Variants in DIP2B observed in about 807,000 individuals in gnomAD.
The protein encoded by DIP2B is DIP2 acetate--CoA ligase B (putative).
A neutral mutation model predicts 198.0 loss-of-function variants in DIP2B; 76 were observed. The ratio of observed to expected loss-of-function variants is 0.38; its 90% confidence interval spans 0.32 to 0.46. DIP2B has a LOEUF of 0.46. Among genes scored for constraint, DIP2B ranks in the 20% least tolerant of loss-of-function variants. The pLI is 0.99. For synonymous variants in DIP2B, 701 were observed against 739.1 expected (o/e 0.95, Z 0.84); for missense variants, 1,559 against 1,978.4 (o/e 0.79, Z 4.02).
chr12:50,516,235 C>A (rs573132855), intron 1 of DIP2B, among the ~76,000 whole-genome samples: 3 of 147,928 alleles, frequency 2.0e-5, no homozygotes, highest in African/African-American at 7.7e-5. Flanking sequence ...CTCTCTCTCT[C>A]TCTCTCTCTC....
intron 1 of DIP2B, among the ~76,000 whole-genome samples, chr12:50,536,876 T>G (rs1197063988): frequency 6.6e-6 from 1 of 151,384 alleles, no homozygotes; most frequent in Non-Finnish European, 1.5e-5. Context: ...TATTTTTTTT[T>G]TTTAATGTTG....
At chr12:50,672,693 A>T (rs113026515) in intron 5 of DIP2B, among the ~76,000 whole-genome samples, 20 of 152,324 alleles carry the variant, frequency 1.3e-4, no homozygotes, top group African/African-American at 4.8e-4. Flanking sequence ...TAATAGAAAA[A>T]TTCAAAAATA....
chr12:50,701,475 G>A (rs796614820), intron 19 of DIP2B, among the ~76,000 whole-genome samples: 11 of 152,266 alleles, frequency 7.2e-5, no homozygotes, highest in African/African-American at 2.2e-4. Context: ...TCTGCCTCCC[G>A]GGTTCAAACA....
At chr12:50,614,658 G>A (rs1351350435) in intron 1 of DIP2B, among the ~76,000 whole-genome samples, 1 of 152,180 alleles carries the variant, frequency 6.6e-6, no homozygotes, top group Non-Finnish European at 1.5e-5. Context: ...ACGTATAGTG[G>A]CTTGCCCAGT....
At chr12:50,525,105 C>T (rs927707508) in intron 1 of DIP2B, among the ~76,000 whole-genome samples, 1 of 151,572 alleles carries the variant, frequency 6.6e-6, no homozygotes, top group Non-Finnish European at 1.5e-5. Flanking sequence ...CACCTGTAAT[C>T]CCAGCACTTT....
rs1052117424 is a variant in DIP2B at position 50,570,683 on chromosome 12, G to A, written c.101-55293G>A. Among the ~76,000 whole-genome samples the A allele has an allele frequency of 2.6e-5, 4 of 152,178 alleles. No individual in the cohort carries two copies. The East Asian group carries it at 7.7e-4, about 29-fold the overall frequency. Reference sequence around the variant, plus strand: ...CGAGATCGCGCCACTGCGATGGGCTGGGCAACAAGAGTGAAACTCGGTCCC... The same window carrying A: ...CGAGATCGCGCCACTGCGATGGGCTAGGCAACAAGAGTGAAACTCGGTCCC... On this transcript the variant is annotated intron_variant, in intron 1 of 37. Transcript: ENST00000301180.
rs976134094 is a variant in DIP2B, at chr12:50,634,107, C to T, written c.173-6617C>T. On this transcript the variant is annotated intron_variant, in intron 2 of 37. Transcript: ENST00000301180. Reference sequence around the variant, plus strand: ...GCTGTCTGCTCTTTGAAAGGAATGGCCCACAGAACATCTTTCAGTAGTTGG... The same window carrying T: ...GCTGTCTGCTCTTTGAAAGGAATGGTCCACAGAACATCTTTCAGTAGTTGG... Among the ~76,000 whole-genome samples the T allele has an allele frequency of 5.3e-5, 8 of 152,186 alleles. No homozygotes were observed. In the East Asian group the frequency reaches 1.5e-3, roughly 29 times the overall value.
intron 25 of DIP2B, 64 bp from the exon 26 acceptor site, chr12:50,721,209 T>C: frequency 6.4e-7 from 1 of 1,569,694 alleles, no homozygotes; most frequent in Non-Finnish European, 8.6e-7. Context: ...TTGAATTGGC[T>C]GTGCTTATTA....
intron 7 of DIP2B, 59 bp from the exon 8 acceptor site, chr12:50,678,620 C>G: frequency 6.5e-7 from 1 of 1,538,742 alleles, no homozygotes; most frequent in Non-Finnish European, 8.8e-7. Context: ...GATTAGAGAC[C>G]TAAGTTGTGT....
At chr12:50,563,485 C>A (rs1471483049) in intron 1 of DIP2B, among the ~76,000 whole-genome samples, 2 of 133,902 alleles carry the variant, frequency 1.5e-5, no homozygotes, top group Non-Finnish European at 3.1e-5. Flanking sequence ...CTGCACCTGG[C>A]CTTTTTTTTT....
intron 36 of DIP2B, among the ~76,000 whole-genome samples, chr12:50,739,875 G>C (rs1227543590): frequency 6.6e-6 from 1 of 152,202 alleles, no homozygotes; most frequent in Non-Finnish European, 1.5e-5. Context: ...AGTCCCTGCA[G>C]GGCTGATTCA....
At chr12:50,676,950 T>C (rs1328945716) in intron 7 of DIP2B, among the ~76,000 whole-genome samples, 3 of 152,188 alleles carry the variant, frequency 2.0e-5, no homozygotes, top group African/African-American at 4.8e-5. Context: ...AGGCAGCAAA[T>C]TGGGGAGTGA....
chr12:50,728,902 G>A (rs78705232), intron 30 of DIP2B, among the ~76,000 whole-genome samples: 1,732 of 152,302 alleles, frequency 0.011, 20 homozygotes, highest in Non-Finnish European at 0.02. Context: ...CAAAATGGCA[G>A]TGATCCTGTT....
chr12:50,645,901 A>G (rs920161074), intron 3 of DIP2B, among the ~76,000 whole-genome samples: 1 of 152,050 alleles, frequency 6.6e-6, no homozygotes, highest in Non-Finnish European at 1.5e-5. Context: ...GTTTATAGAC[A>G]TGGAGACCTG....
At chr12:50,631,301 AC>A (rs1357548147) in intron 2 of DIP2B, among the ~76,000 whole-genome samples, 2 of 151,236 alleles carry the variant, frequency 1.3e-5, no homozygotes, top group Non-Finnish European at 2.9e-5. Context: ...GACTTGGCTC[AC>A]TGCAACCTCT....
intron 1 of DIP2B, among the ~76,000 whole-genome samples, chr12:50,507,428 T>TA (rs1957977570): frequency 6.6e-6 from 1 of 152,236 alleles, no homozygotes; most frequent in East Asian, 1.9e-4. Context: ...CATATCTGTG[T>TA]AGTATGGTGT....
intron 28 of DIP2B, among the ~76,000 whole-genome samples, chr12:50,725,195 G>C (rs1311449748): frequency 6.6e-6 from 1 of 152,100 alleles, no homozygotes; most frequent in Non-Finnish European, 1.5e-5. Context: ...AAAATATTGA[G>C]ACAATCTGAT....
chr12:50,571,932 TC>T (rs1329650350), intron 1 of DIP2B, among the ~76,000 whole-genome samples: 3 of 152,208 alleles, frequency 2.0e-5, no homozygotes, highest in Non-Finnish European at 4.4e-5. Context: ...AAAAGATGCA[TC>T]TGTCTTTCCA....
chr12:50,506,468 G>T (rs1427368559), intron 1 of DIP2B, among the ~76,000 whole-genome samples: 3 of 152,188 alleles, frequency 2.0e-5, no homozygotes, highest in Admixed American at 6.5e-5. Flanking sequence ...TATAAATCCT[G>T]TTGGGCACTG....
Sources: gnomAD v4.1 joint callset for allele counts (sites outside exome capture counted in the v4.1 genomes callset) on GRCh38, gnomAD v4.1.1 for gene constraint, MANE v1.5 for transcripts, NCBI Gene and HGNC (gene_info 2026-07-23, HGNC 2026-07-21) for gene names.